Variants in PARD3B observed in about 807,000 individuals in gnomAD.
PARD3B encodes the protein par-3 family cell polarity regulator beta.
A neutral mutation model predicts 130.2 loss-of-function variants in PARD3B; 103 were observed. That is an observed-to-expected ratio of 0.79 (90% CI 0.67 to 0.93). The LOEUF (loss-of-function observed/expected upper bound fraction) is 0.93. PARD3B is among the 40% of genes least tolerant of loss of function. PARD3B has a pLI of 0.00. For synonymous variants in PARD3B, 583 were observed against 553.2 expected (o/e 1.05, Z -0.76); for missense variants, 1,609 against 1,499.2 (o/e 1.07, Z -1.21).
Position 204,598,658 on chromosome 2 carries a change from A to G in PARD3B, c.120+52539A>G, listed in dbSNP as rs975808672. 5.3e-5 allele frequency among the ~76,000 whole-genome samples: 8 copies of G among 152,244 alleles called. No individual in the cohort carries two copies. The South Asian group carries it at 6.2e-4, about 12-fold the overall frequency. Reference sequence around the variant, plus strand: ...ATGTATGTGTACAATATTATATTGCATGCATATATCACAAAATTAAGCAGT... The same window carrying G: ...ATGTATGTGTACAATATTATATTGCGTGCATATATCACAAAATTAAGCAGT... On this transcript the variant is annotated intron_variant, in intron 1 of 22. Transcript: ENST00000406610.
rs1004537635 is a variant in PARD3B, at chr2:205,116,187, A to T, written c.680+2610A>T. Among the ~76,000 whole-genome samples, 1 of 152,224 alleles carries T rather than the reference A, an allele frequency of 6.6e-6. No homozygotes were observed. The highest frequency in any genetic ancestry group is 2.1e-4 in the South Asian group (1 of 4,832). On this transcript the variant is annotated intron_variant, in intron 6 of 22. Transcript: ENST00000406610. This position sits in a 1 kb window ranked among gnomAD's most constrained non-coding sequence, Gnocchi z 4.5. ...TGCAACTAAAATGCAACTTAATTTT[A>T]TTCAGATTTTTAAAATCAATGTGGT...
At position 205,370,637 on chromosome 2, in the gene PARD3B, T is replaced by G. The variant is rs115845660; in HGVS notation, c.2631-30376T>G. Reference sequence around the variant, plus strand: ...GTTCATTCTGTCCTCTTCCTGATGTTTCTACTGCTAAGAATTGCTCTTGGA... The same window carrying G: ...GTTCATTCTGTCCTCTTCCTGATGTGTCTACTGCTAAGAATTGCTCTTGGA... On this transcript the variant is annotated intron_variant, in intron 18 of 22. Transcript: ENST00000406610. Among the ~76,000 whole-genome samples, 1,369 of 152,336 alleles carry G rather than the reference T, an allele frequency of 9.0e-3. 8 individuals are homozygous for G. Among genetic ancestry groups the G allele is most frequent in the Non-Finnish European group, 0.015 (1,032 of 68,028 alleles).
At chr2:205,543,284 A>G (rs984243362) in intron 21 of PARD3B, among the ~76,000 whole-genome samples, 12 of 152,328 alleles carry the variant, frequency 7.9e-5, no homozygotes, top group Admixed American at 7.2e-4. Context: ...TATAACACAT[A>G]TCTCCTTATT....
chr2:204,935,795 C>G (rs935533676), intron 2 of PARD3B, among the ~76,000 whole-genome samples: 5 of 152,092 alleles, frequency 3.3e-5, no homozygotes, highest in Non-Finnish European at 7.4e-5. Context: ...TGTCCCTTCT[C>G]TGTTTTGAAA....
At chr2:205,605,477 G>T (rs1363338106) in intron 22 of PARD3B, among the ~76,000 whole-genome samples, 1 of 152,094 alleles carries the variant, frequency 6.6e-6, no homozygotes, top group African/African-American at 2.4e-5. Context: ...TTGTTTTGTT[G>T]TTTTTTGTTT....
At chr2:205,489,552 A>ATATACGTATATATATACG (rs2049606194) in intron 20 of PARD3B, among the ~76,000 whole-genome samples, 1 of 4,556 alleles carries the variant, frequency 2.2e-4, no homozygotes. Flanking sequence ...ATATATGTAT[A>ATATACGTATATATATACG]TATATACATA....
intron 1 of PARD3B, among the ~76,000 whole-genome samples, chr2:204,560,146 C>A (rs1405781982): frequency 1.3e-5 from 2 of 152,188 alleles, no homozygotes; most frequent in South Asian, 2.1e-4. Context: ...ATGTAATGAG[C>A]CTGCATGTTG....
chr2:204,755,481 G>A (rs1191293220), intron 2 of PARD3B, among the ~76,000 whole-genome samples: 1 of 152,130 alleles, frequency 6.6e-6, no homozygotes, highest in African/African-American at 2.4e-5. Flanking sequence ...ATAAATGGGT[G>A]TAGAGGGGAA....
chr2:204,903,795 C>G (rs2046951684), intron 2 of PARD3B, among the ~76,000 whole-genome samples: 1 of 152,128 alleles, frequency 6.6e-6, no homozygotes. Flanking sequence ...TTTGTAGAAG[C>G]TAAAGCTTTA....
intron 3 of PARD3B, among the ~76,000 whole-genome samples, chr2:204,992,590 A>G (rs1693818057): frequency 8.2e-6 from 1 of 121,230 alleles, no homozygotes; most frequent in Non-Finnish European, 1.7e-5. Flanking sequence ...TGAACTTTAA[A>G]GTAGTTTTTT....
intron 20 of PARD3B, among the ~76,000 whole-genome samples, chr2:205,482,203 A>AGTTTAGAGAATCC (rs1398571286): frequency 6.6e-6 from 1 of 152,228 alleles, no homozygotes; most frequent in African/African-American, 2.4e-5. Context: ...TAGACTCCAA[A>AGTTTAGAGAATCC]GTTTAGAGAA....
At position 204,751,431 on chromosome 2, in the gene PARD3B, C is replaced by A. The variant is rs545458198; in HGVS notation, c.222+65149C>A. Reference sequence around the variant, plus strand: ...GGCAGGAGAAGCCCTTAAGCTTAAACTTCTTTAACTTCAAGGTACACACTG... The same window carrying A: ...GGCAGGAGAAGCCCTTAAGCTTAAAATTCTTTAACTTCAAGGTACACACTG... On this transcript the variant is annotated intron_variant, in intron 2 of 22. Coordinates refer to ENST00000406610, the MANE Select transcript of PARD3B (RefSeq NM_001302769.2). Among the ~76,000 whole-genome samples the A allele has an allele frequency of 4.7e-4, 71 of 152,326 alleles. 1 individual carries two copies. Among genetic ancestry groups the A allele is most frequent in the African/African-American group, 1.7e-3 (71 of 41,582 alleles).
chr2:204,885,475 C>T (rs1420840024), intron 2 of PARD3B, among the ~76,000 whole-genome samples: 1 of 152,146 alleles, frequency 6.6e-6, no homozygotes, highest in South Asian at 2.1e-4. Context: ...AATTGTATGT[C>T]ATTTTTTAAG....
intron 3 of PARD3B, among the ~76,000 whole-genome samples, chr2:205,022,799 T>C (rs923327964): frequency 3.3e-5 from 5 of 152,028 alleles, no homozygotes; most frequent in Admixed American, 1.3e-4. Flanking sequence ...CACTGGGTTT[T>C]CCCCCCTTAC....
rs1018147351 is a variant in PARD3B, at chr2:205,122,961, C to T, written c.1165+1012C>T. ...TGTATTTTTTGTACAAATGATCCAG[C>T]TGTGTGTAAGACACAGATTTGGGTG... is the stretch of plus-strand genomic sequence containing the variant. On this transcript the variant is annotated intron_variant, in intron 8 of 22. Transcript: ENST00000406610. This position sits in a 1 kb window ranked among gnomAD's most constrained non-coding sequence, Gnocchi z 4.3. Among the ~76,000 whole-genome samples the T allele has an allele frequency of 6.6e-6, 1 of 152,146 alleles. No individual in the cohort carries two copies. The highest frequency in any genetic ancestry group is 2.4e-5 in the African/African-American group (1 of 41,432).
chr2:205,376,631 T>A (rs182438495), intron 18 of PARD3B, among the ~76,000 whole-genome samples: 1 of 152,264 alleles, frequency 6.6e-6, no homozygotes, highest in Admixed American at 6.5e-5. Context: ...TGCATGCAAC[T>A]GAGAGTGGGG....
Position 204,545,511 on chromosome 2 carries a change from T to C in PARD3B, c.-489T>C, listed in dbSNP as rs1176332618. Among the ~76,000 whole-genome samples the C allele has an allele frequency of 2.0e-5, 3 of 151,158 alleles. No individual in the cohort carries two copies. The highest frequency in any genetic ancestry group is 1.5e-5 in the Non-Finnish European group (1 of 67,714). ...CCAGAGCGCGGGCGCCGCAGAGGAG[T>C]TGGGAGCCGGCGCAAAAGTTTCCTC... On this transcript the variant is annotated 5_prime_UTR_variant, in exon 1 of 23. Transcript: ENST00000406610.
At chr2:204,743,157 C>A (rs1559108075) in intron 2 of PARD3B, among the ~76,000 whole-genome samples, 1 of 152,074 alleles carries the variant, frequency 6.6e-6, no homozygotes, top group Non-Finnish European at 1.5e-5. Context: ...AGAGTAGATA[C>A]TTACTAAATG....
At chr2:204,609,157 A>G (rs2033836844) in intron 1 of PARD3B, among the ~76,000 whole-genome samples, 1 of 152,190 alleles carries the variant, frequency 6.6e-6, no homozygotes, top group Non-Finnish European at 1.5e-5. Flanking sequence ...ATCTATTTGG[A>G]AAGTTTTGAT....
Sources: allele counts gnomAD v4.1 joint callset (sites outside exome capture counted in the v4.1 genomes callset), GRCh38; gene constraint gnomAD v4.1.1; non-coding constraint Gnocchi (gnomAD v3.1); transcripts MANE v1.5; gene names NCBI Gene and HGNC (gene_info 2026-07-23, HGNC 2026-07-21).